AFG1L: variants seen among roughly 807,000 people sequenced by gnomAD.
AFG1L encodes AFG1-like ATPase.
Under a neutral mutation model 62.2 loss-of-function variants are expected in AFG1L, and 53 were observed. The ratio of observed to expected loss-of-function variants is 0.85; its 90% CI spans 0.68 to 1.07. The LOEUF is 1.07. AFG1L is among the 50% of genes least tolerant of loss of function. AFG1L has a pLI of 0.00. For synonymous variants in AFG1L, 228 were observed against 210.3 expected, an observed-to-expected ratio of 1.08 and a Z score of -0.73; for missense variants, 555 against 590.5, an observed-to-expected ratio of 0.94 and a Z score of 0.62.
intron 10 of AFG1L, among the ~76,000 whole-genome samples, chr6:108,502,100 C>T (rs1774227296): frequency 6.6e-6 from 1 of 152,180 alleles, no homozygotes; most frequent in Non-Finnish European, 1.5e-5. Flanking sequence ...GATCTCGGCT[C>T]ACTGCAACCT....
At chr6:108,400,707 ATATATTTAATATATAT>A (rs2114626746) in intron 6 of AFG1L, among the ~76,000 whole-genome samples, 1 of 123,726 alleles carries the variant, frequency 8.1e-6, no homozygotes, top group South Asian at 2.2e-4. Flanking sequence ...ATATTATTAT[ATATATTTAATATATAT>A]TATATATAAT....
chr6:108,437,879 G>A (rs908770504), intron 7 of AFG1L, among the ~76,000 whole-genome samples: 2 of 152,160 alleles, frequency 1.3e-5, no homozygotes, highest in African/African-American at 4.8e-5. Context: ...GGAGGACCAT[G>A]GATTTGGTGG....
At chr6:108,430,988 A>G (rs989381942) in intron 7 of AFG1L, among the ~76,000 whole-genome samples, 4 of 152,228 alleles carry the variant, frequency 2.6e-5, no homozygotes, top group African/African-American at 9.6e-5. Flanking sequence ...ATCCTGGCAC[A>G]TAGCTATTAG....
intron 8 of AFG1L, among the ~76,000 whole-genome samples, chr6:108,453,205 A>G (rs6925709): frequency 0.13 from 19,490 of 152,218 alleles, 1,497 homozygotes; most frequent in South Asian, 0.22. Flanking sequence ...GACCATTTCA[A>G]TATGGGGATT....
At chr6:108,445,222 T>C (rs750872858) in intron 7 of AFG1L, among the ~76,000 whole-genome samples, 9 of 152,218 alleles carry the variant, frequency 5.9e-5, no homozygotes, top group South Asian at 2.1e-4. Flanking sequence ...TCAACCTTCA[T>C]AGAATTGAAG....
intron 10 of AFG1L, among the ~76,000 whole-genome samples, chr6:108,507,055 C>A (rs1399672365): frequency 6.6e-6 from 1 of 152,114 alleles, no homozygotes; most frequent in Non-Finnish European, 1.5e-5. Context: ...TTGATAAATA[C>A]ATTTCATTCT....
At chr6:108,378,206 A>G (rs1780336084) in intron 6 of AFG1L, among the ~76,000 whole-genome samples, 3 of 151,642 alleles carry the variant, frequency 2.0e-5, no homozygotes, top group Admixed American at 1.3e-4. Context: ...TGAGATGTTT[A>G]TCTCTTCATT....
chr6:108,366,352 T>C lies in AFG1L; in HGVS notation c.748+20T>C, dbSNP rs780074599. On this transcript the variant is annotated intron_variant, in intron 6 of 12. Transcript: ENST00000368977. Reference sequence around the variant, plus strand: ...CGGAAGGTAAAAACAAACATTGTGCTAGTCTCATCCAATTAGGTGGAAACT... The same window carrying C: ...CGGAAGGTAAAAACAAACATTGTGCCAGTCTCATCCAATTAGGTGGAAACT... 4 of 1,495,730 alleles carry C rather than the reference T, an allele frequency of 2.7e-6. No homozygotes were observed. In the South Asian group the frequency reaches 4.6e-5, roughly 17 times the overall value. 92.7% of individuals were successfully genotyped at this position (1,495,730 alleles called of 1,614,324 possible).
At chr6:108,403,275 G>T (rs906866138) in intron 7 of AFG1L, among the ~76,000 whole-genome samples, 3 of 152,028 alleles carry the variant, frequency 2.0e-5, no homozygotes, top group Non-Finnish European at 4.4e-5. Flanking sequence ...AAAGGATAAA[G>T]AATTTTTTAA....
chr6:108,446,585 A>T (rs6920329), intron 7 of AFG1L, among the ~76,000 whole-genome samples: 8 of 148,522 alleles, frequency 5.4e-5, no homozygotes, highest in African/African-American at 1.8e-4. Context: ...GCTCATTGCA[A>T]CCTCCACCTC....
intron 7 of AFG1L, among the ~76,000 whole-genome samples, chr6:108,415,473 A>G (rs1023859811): frequency 6.6e-6 from 1 of 152,224 alleles, no homozygotes; most frequent in Non-Finnish European, 1.5e-5. Flanking sequence ...AGACACCCTA[A>G]GCCAAAAGAA....
chr6:108,300,538 A>G (rs1776947297), intron 1 of AFG1L, among the ~76,000 whole-genome samples: 2 of 152,252 alleles, frequency 1.3e-5, no homozygotes, highest in Admixed American at 6.5e-5. Flanking sequence ...TTATTTATAC[A>G]TATTTTGTTT....
chr6:108,482,916 T>C (rs1175647164), intron 10 of AFG1L, among the ~76,000 whole-genome samples: 1 of 152,200 alleles, frequency 6.6e-6, no homozygotes, highest in Admixed American at 6.5e-5. Flanking sequence ...CCTAAAGTTA[T>C]TCTTTCTCCC....
At chr6:108,434,683 C>T (rs2114721060) in intron 7 of AFG1L, among the ~76,000 whole-genome samples, 1 of 152,340 alleles carries the variant, frequency 6.6e-6, no homozygotes, top group African/African-American at 2.4e-5. Context: ...TACATTACTT[C>T]CATTTTATGG....
chr6:108,431,658 T>A lies in AFG1L; in HGVS notation c.808-15556T>A, dbSNP rs1327115272. ...TGTTGTAACCCAGGCTGGAGTGCAATAGCACGATCTCAGCTCACTGCAACA... is the reference window on the plus strand; with the variant it reads ...TGTTGTAACCCAGGCTGGAGTGCAAAAGCACGATCTCAGCTCACTGCAACA... On this transcript the variant is annotated intron_variant, in intron 7 of 12. Transcript: ENST00000368977. 2.1e-5 allele frequency among the ~76,000 whole-genome samples: 3 copies of A among 142,888 alleles called. No homozygotes were observed. In the Admixed American group the frequency reaches 2.2e-4, roughly 11 times the overall value. 93.7% of individuals were successfully genotyped at this position (142,888 alleles called of 152,430 possible).
At chr6:108,297,924 G>A (rs1310340822) in intron 1 of AFG1L, among the ~76,000 whole-genome samples, 3 of 150,694 alleles carry the variant, frequency 2.0e-5, no homozygotes, top group Non-Finnish European at 4.4e-5. Flanking sequence ...ATAGCCCATA[G>A]TCTTGAGAGG....
chr6:108,435,931 A>G (rs1176918981), intron 7 of AFG1L, among the ~76,000 whole-genome samples: 1 of 152,208 alleles, frequency 6.6e-6, no homozygotes, highest in East Asian at 1.9e-4. Context: ...TTTACTGAGC[A>G]TTTACTATGT....
intron 1 of AFG1L, among the ~76,000 whole-genome samples, chr6:108,320,533 T>A (rs918630510): frequency 1.3e-5 from 2 of 152,194 alleles, no homozygotes; most frequent in African/African-American, 4.8e-5. Context: ...GGTTGGAGTT[T>A]CTGAAAAACA....
chr6:108,304,008 A>C (rs1326085497), intron 1 of AFG1L, among the ~76,000 whole-genome samples: 3 of 152,114 alleles, frequency 2.0e-5, no homozygotes, highest in South Asian at 4.2e-4. Context: ...TTAAAGTACA[A>C]TTTTTTTTCC....
Sources: allele counts gnomAD v4.1 joint callset (sites outside exome capture counted in the v4.1 genomes callset), GRCh38; gene constraint gnomAD v4.1.1; transcripts MANE v1.5; gene names NCBI Gene and HGNC (gene_info 2026-07-23, HGNC 2026-07-21).